BICDL1: variants seen among roughly 807,000 people sequenced by gnomAD.
The protein encoded by BICDL1 is BICD family-like cargo adapter 1.
In BICDL1, 20 loss-of-function variants were observed where a neutral mutation model predicts 76.8. The ratio of observed to expected loss-of-function variants is 0.26; its 90% CI spans 0.18 to 0.38. The LOEUF (loss-of-function observed/expected upper bound fraction) is 0.38, where lower values mean the gene tolerates loss of function less well. Ranked by LOEUF, BICDL1 falls within the 10% of genes least tolerant of loss-of-function variation. BICDL1 has a pLI of 1.00. For synonymous variants in BICDL1, 383 were observed against 337.1 expected, an observed-to-expected ratio of 1.14 and a Z score of -1.49; for missense variants, 700 against 798.6, an observed-to-expected ratio of 0.88 and a Z score of 1.49.
chr12:120,053,033 G>A (rs1450486500), intron 2 of BICDL1, among the ~76,000 whole-genome samples: 1 of 152,190 alleles, frequency 6.6e-6, no homozygotes, highest in African/African-American at 2.4e-5. Context: ...ACCCACCTTG[G>A]CCTCCCAAAG....
chr12:120,088,946 G>C (rs1874691785), intron 8 of BICDL1, among the ~76,000 whole-genome samples: 1 of 152,342 alleles, frequency 6.6e-6, no homozygotes, highest in Admixed American at 6.5e-5. Flanking sequence ...TTACAGGGGT[G>C]AGCCACCGCA....
At chr12:119,991,494 C>A (rs1039625607) in intron 1 of BICDL1, among the ~76,000 whole-genome samples, 2 of 152,194 alleles carry the variant, frequency 1.3e-5, no homozygotes, top group African/African-American at 4.8e-5. Context: ...TCGATGAACT[C>A]CTGAGATACC....
intron 2 of BICDL1, among the ~76,000 whole-genome samples, chr12:120,026,038 A>T (rs1952293517): frequency 6.6e-6 from 1 of 152,054 alleles, no homozygotes; most frequent in Non-Finnish European, 1.5e-5. Flanking sequence ...GGGTTTCGCC[A>T]TGTTGGCCAG....
chr12:120,092,851 G>A lies in BICDL1; in HGVS notation c.1705-149G>A, dbSNP rs952133324. Reference sequence around the variant, plus strand: ...GCCTGGTGTCTTGCCCACGCTCACCGCTTTCTTGGTCAGGGCAGTCCCGGC... The same window carrying A: ...GCCTGGTGTCTTGCCCACGCTCACCACTTTCTTGGTCAGGGCAGTCCCGGC... On this transcript the variant is annotated intron_variant, in intron 9 of 9. Transcript: ENST00000548673. The A allele has an allele frequency of 1.6e-5, 22 of 1,388,608 alleles. No individual in the cohort carries two copies. In the South Asian group the frequency reaches 1.7e-4, roughly 11 times the overall value. The allele number at this position is 1,388,608 out of a possible 1,614,324, so 86.0% of individuals were successfully genotyped here. A position where few individuals can be genotyped will look rare whatever the true frequency, so the allele number is the denominator to read the frequency against.
chr12:119,993,677 C>T (rs942281921), intron 1 of BICDL1, among the ~76,000 whole-genome samples: 3 of 150,182 alleles, frequency 2.0e-5, no homozygotes, highest in Non-Finnish European at 2.9e-5. Flanking sequence ...AGTGCAGTGG[C>T]GTGATACCAG....
chr12:120,027,817 G>C (rs1417959807), intron 2 of BICDL1, among the ~76,000 whole-genome samples: 1 of 152,170 alleles, frequency 6.6e-6, no homozygotes, highest in East Asian at 1.9e-4. Context: ...TTCATCTTAA[G>C]ACAGAGGCTA....
rs1873697369 is a variant in BICDL1 at position 120,078,016 on chromosome 12, G to A, written c.1453-2871G>A. On this transcript the variant is annotated intron_variant, in intron 7 of 9. Coordinates refer to ENST00000548673, the MANE Select transcript of BICDL1 (RefSeq NM_001367886.1). ...GCAGAACTGAACATAGGATACAAAG[G>A]GCAGTGGCACATGCACCCCATGCTA... is the stretch of plus-strand genomic sequence containing the variant. Among the ~76,000 whole-genome samples, 5 of 152,224 alleles carry A rather than the reference G, an allele frequency of 3.3e-5. No individual in the cohort carries two copies. The South Asian group carries it at 1.0e-3, about 32-fold the overall frequency.
At chr12:120,067,409 G>A (rs1031772275) in intron 4 of BICDL1, among the ~76,000 whole-genome samples, 38 of 152,226 alleles carry the variant, frequency 2.5e-4, no homozygotes, top group Non-Finnish European at 1.0e-4. Flanking sequence ...TTAGATGAGC[G>A]TAAATGTAGT....
At chr12:120,074,230 CCTT>C (rs146026927) in intron 6 of BICDL1, among the ~76,000 whole-genome samples, 13,041 of 151,936 alleles carry the variant, frequency 0.086, 672 homozygotes, top group African/African-American at 0.14. Context: ...CTTCTTGACC[CCTT>C]CTTCCTTCCA....
At chr12:120,091,393 C>G in intron 9 of BICDL1, 1 of 1,011,570 alleles carries the variant, frequency 9.9e-7, no homozygotes, top group South Asian at 4.0e-5. Context: ...ACATTGGCAG[C>G]TTTGAAAGGT....
chr12:120,050,267 CT>C (rs1195467275), intron 2 of BICDL1, among the ~76,000 whole-genome samples: 2 of 134,822 alleles, frequency 1.5e-5, no homozygotes, highest in Non-Finnish European at 1.6e-5. Context: ...TTTTTTTTTT[CT>C]TTTTTTTTCT....
chr12:120,061,996 T>C (rs1239726880), intron 3 of BICDL1, among the ~76,000 whole-genome samples, 170 bp downstream of exon 3: 1 of 152,148 alleles, frequency 6.6e-6, no homozygotes, highest in Non-Finnish European at 1.5e-5. Context: ...TCTGGAAAAA[T>C]GAAGTTGCTC....
chr12:120,044,253 CCTT>C (rs1255158275), intron 2 of BICDL1, among the ~76,000 whole-genome samples: 1 of 152,144 alleles, frequency 6.6e-6, no homozygotes, highest in African/African-American at 2.4e-5. Flanking sequence ...AACTTTGTAA[CCTT>C]CTTTTTAGGT....
At chr12:120,022,517 TAAG>T (rs1319641911) in intron 2 of BICDL1, among the ~76,000 whole-genome samples, 1 of 149,684 alleles carries the variant, frequency 6.7e-6, no homozygotes, top group African/African-American at 2.4e-5. Context: ...AAAGGAGACT[TAAG>T]AGGCATGAAA....
At chr12:120,025,228 T>G (rs549843169) in intron 2 of BICDL1, among the ~76,000 whole-genome samples, 3 of 152,036 alleles carry the variant, frequency 2.0e-5, no homozygotes, top group Non-Finnish European at 4.4e-5. Context: ...TTTTTTGTAT[T>G]TTTAGTAGAG....
chr12:120,000,383 T>C (rs1178134974), intron 2 of BICDL1: 2 of 152,228 alleles, frequency 1.3e-5, no homozygotes, highest in African/African-American at 4.8e-5. Flanking sequence ...GATTCAGTTC[T>C]AAAAGCTTTT....
chr12:119,989,386 A>ACAG lies in BICDL1; in HGVS notation c.-470_-468dup, dbSNP rs1254379113. 2.8e-4 allele frequency among the ~76,000 whole-genome samples: 42 copies of ACAG among 150,464 alleles called. No homozygotes were observed. Among genetic ancestry groups the ACAG allele is most frequent in the Middle Eastern group, 3.4e-3 (1 of 292 alleles). The stretch of plus-strand genomic sequence containing the variant: ...CGGCTGCAGAGAGCGGCCGCCGGCA[A>ACAG]CAGCAGCAGCAGCAGGAAGCGTCGC... On this transcript the variant is annotated 5_prime_UTR_variant, in exon 1 of 10. Coordinates refer to ENST00000548673, the MANE Select transcript of BICDL1 (RefSeq NM_001367886.1).
intron 2 of BICDL1, among the ~76,000 whole-genome samples, chr12:120,020,183 G>A (rs1304858611): frequency 1.4e-5 from 2 of 142,944 alleles, no homozygotes; most frequent in Non-Finnish European, 3.0e-5. Context: ...GATAGGGCGA[G>A]CCTGACACAT....
At chr12:120,001,308 A>G (rs1018551115) in intron 2 of BICDL1, among the ~76,000 whole-genome samples, 6 of 152,016 alleles carry the variant, frequency 3.9e-5, no homozygotes, top group African/African-American at 9.7e-5. Flanking sequence ...GTACAGTGGC[A>G]CAATCTCAGC....
Sources: allele counts gnomAD v4.1 joint callset (sites outside exome capture counted in the v4.1 genomes callset), GRCh38; gene constraint gnomAD v4.1.1; transcripts MANE v1.5; gene names NCBI Gene and HGNC (gene_info 2026-07-23, HGNC 2026-07-21).